PTPRD: variants seen among roughly 807,000 people sequenced by gnomAD.
PTPRD encodes receptor-type tyrosine-protein phosphatase delta.
In PTPRD, 34 loss-of-function variants were observed where a neutral mutation model predicts 214.5. That is an observed-to-expected ratio of 0.16 (90% CI 0.12 to 0.21). The LOEUF (loss-of-function observed/expected upper bound fraction) is 0.21. Ranked by LOEUF, PTPRD falls within the 10% of genes least tolerant of loss-of-function variation. The pLI is 1.00. For synonymous variants in PTPRD, 1,128 were observed against 845.7 expected (o/e 1.33, Z -5.79); for missense variants, 2,545 against 2,398.7 (o/e 1.06, Z -1.27).
At chr9:9,187,603 C>CCTCT (rs375062105) in intron 9 of PTPRD, among the ~76,000 whole-genome samples, 126 of 150,162 alleles carry the variant, frequency 8.4e-4, no homozygotes, top group Admixed American at 2.0e-3. Flanking sequence ...CCTCTCTTTC[C>CCTCT]CTCTCTCTCT....
intron 4 of PTPRD, among the ~76,000 whole-genome samples, chr9:9,949,550 TGCTACTCAC>T: frequency 6.6e-6 from 1 of 152,290 alleles, no homozygotes; most frequent in African/African-American, 2.4e-5. Context: ...CCAGGGATAA[TGCTACTCAC>T]ATACCAAAGG....
At chr9:8,939,576 A>AAT (rs1555556715) in intron 11 of PTPRD, among the ~76,000 whole-genome samples, 1 of 150,340 alleles carries the variant, frequency 6.7e-6, no homozygotes, top group Non-Finnish European at 1.5e-5. Context: ...ATATATACAT[A>AAT]ACACACACAC....
intron 5 of PTPRD, among the ~76,000 whole-genome samples, chr9:9,858,111 T>C (rs960572391): frequency 2.0e-5 from 3 of 152,210 alleles, no homozygotes; most frequent in African/African-American, 7.2e-5. Context: ...GTCTGTGCAA[T>C]TGTTTTAGTG....
chr9:10,550,660 T>C (rs2061123332), intron 2 of PTPRD, among the ~76,000 whole-genome samples: 1 of 152,136 alleles, frequency 6.6e-6, no homozygotes, highest in Non-Finnish European at 1.5e-5. Flanking sequence ...ACATACACTT[T>C]GGAGCTGAGA....
chr9:10,503,336 G>A (rs1226152934), intron 2 of PTPRD, among the ~76,000 whole-genome samples: 5 of 151,570 alleles, frequency 3.3e-5, no homozygotes, highest in Non-Finnish European at 7.4e-5. Context: ...AAGAAGGTTC[G>A]TTTTTAAGAT....
chr9:9,982,402 G>T (rs145105767), intron 4 of PTPRD, among the ~76,000 whole-genome samples: 2 of 152,032 alleles, frequency 1.3e-5, no homozygotes, highest in East Asian at 3.9e-4. Flanking sequence ...TTATTTGTCA[G>T]TAAGTCATCA....
chr9:9,718,550 C>G (rs2097875635), intron 7 of PTPRD, among the ~76,000 whole-genome samples: 1 of 152,214 alleles, frequency 6.6e-6, no homozygotes, highest in African/African-American at 2.4e-5. Flanking sequence ...CCAGGCATCC[C>G]TGTGCTCTCA....
chr9:9,207,054 T>A (rs2099945299), intron 9 of PTPRD, among the ~76,000 whole-genome samples: 1 of 152,162 alleles, frequency 6.6e-6, no homozygotes, highest in African/African-American at 2.4e-5. Flanking sequence ...GAGAAGATTC[T>A]GGATTTATTT....
At chr9:10,250,141 G>A (rs1367630185) in intron 3 of PTPRD, among the ~76,000 whole-genome samples, 1 of 151,994 alleles carries the variant, frequency 6.6e-6, no homozygotes, top group African/African-American at 2.4e-5. Flanking sequence ...GATACCTTTA[G>A]CACAGCATAA....
At chr9:9,241,207 T>A (rs1382133971) in intron 9 of PTPRD, among the ~76,000 whole-genome samples, 1 of 152,134 alleles carries the variant, frequency 6.6e-6, no homozygotes, top group Non-Finnish European at 1.5e-5. Flanking sequence ...TTAAAGAAAC[T>A]GTTTTGTTTT....
At chr9:9,558,483 C>T (rs1270585873) in intron 8 of PTPRD, among the ~76,000 whole-genome samples, 2 of 152,142 alleles carry the variant, frequency 1.3e-5, no homozygotes, top group Non-Finnish European at 2.9e-5. Flanking sequence ...ACAGGCCTGC[C>T]ATACAAACTT....
intron 7 of PTPRD, among the ~76,000 whole-genome samples, chr9:9,668,894 C>T (rs1483629693): frequency 1.3e-5 from 2 of 152,074 alleles, no homozygotes; most frequent in Non-Finnish European, 1.5e-5. Context: ...CTCCTATTGA[C>T]CAATCCTGAA....
chr9:9,707,554 T>C (rs1194122116), intron 7 of PTPRD, among the ~76,000 whole-genome samples: 4 of 152,140 alleles, frequency 2.6e-5, no homozygotes, highest in Admixed American at 1.3e-4. Context: ...GATTATTGTT[T>C]AATTTTACAT....
At position 9,871,715 on chromosome 9, in the gene PTPRD, C is replaced by G. The variant is rs538474432; in HGVS notation, c.-368+66792G>C. ...AGGGGCAGAGGGTATGCAACCTAACCTCTTTGGACCCTAAGATTATCTTCC... is the reference window on the plus strand; with the variant it reads ...AGGGGCAGAGGGTATGCAACCTAACGTCTTTGGACCCTAAGATTATCTTCC... On this transcript the variant is annotated intron_variant, in intron 5 of 45. Coordinates refer to ENST00000381196, the MANE Select transcript of PTPRD (RefSeq NM_002839.4). Among the ~76,000 whole-genome samples the G allele has an allele frequency of 6.7e-3, 1,007 of 151,370 alleles. 4 individuals are homozygous for G. Among genetic ancestry groups the G allele is most frequent in the Non-Finnish European group, 0.011 (745 of 67,838 alleles).
At chr9:9,048,086 A>G (rs2099676703) in intron 10 of PTPRD, among the ~76,000 whole-genome samples, 1 of 152,180 alleles carries the variant, frequency 6.6e-6, no homozygotes. Context: ...AATGCAAATT[A>G]AAACTACAAT....
chr9:9,822,033 G>A (rs1371593498), intron 5 of PTPRD, among the ~76,000 whole-genome samples: 2 of 151,436 alleles, frequency 1.3e-5, no homozygotes, highest in East Asian at 3.9e-4. Context: ...CACCTTATCT[G>A]TACATTTGCC....
At chr9:10,540,218 G>C (rs528809077) in intron 2 of PTPRD, among the ~76,000 whole-genome samples, 1 of 152,206 alleles carries the variant, frequency 6.6e-6, no homozygotes, top group South Asian at 2.1e-4. Context: ...TTGAGAGACA[G>C]GGTTTCACCA....
At chr9:8,330,520 T>G (rs911429262) in intron 44 of PTPRD, among the ~76,000 whole-genome samples, 2 of 152,016 alleles carry the variant, frequency 1.3e-5, no homozygotes. Flanking sequence ...TGTCATTTCC[T>G]ACAAGCTCTT....
At chr9:9,885,612 G>A (rs1425586714) in intron 5 of PTPRD, among the ~76,000 whole-genome samples, 2 of 152,158 alleles carry the variant, frequency 1.3e-5, no homozygotes, top group Admixed American at 6.5e-5. Context: ...ATAAGGGAAG[G>A]AGAAGGGAGG....
Sources: gnomAD v4.1 joint callset for allele counts (sites outside exome capture counted in the v4.1 genomes callset) on GRCh38, gnomAD v4.1.1 for gene constraint, MANE v1.5 for transcripts, NCBI Gene and HGNC (gene_info 2026-07-23, HGNC 2026-07-21) for gene names.